GRIN2A: variants seen among roughly 807,000 people sequenced by gnomAD.
GRIN2A encodes glutamate ionotropic receptor NMDA type subunit 2A, also known as glutamate receptor ionotropic, NMDA 2A.
GRIN2A carries 22 observed loss-of-function variants against 113.4 expected under a neutral mutation model. The ratio of observed to expected loss-of-function variants is 0.19; its 90% CI spans 0.14 to 0.28. The LOEUF is 0.28. Among genes scored for constraint, GRIN2A ranks in the 10% least tolerant of loss-of-function variants. The pLI is 1.00. For synonymous variants in GRIN2A, 827 were observed against 738.4 expected, an observed-to-expected ratio of 1.12 and a Z score of -1.94; for missense variants, 1,502 against 1,887.0, an observed-to-expected ratio of 0.80 and a Z score of 3.78.
chr16:9,902,866 G>GT (rs1243059124), intron 3 of GRIN2A, among the ~76,000 whole-genome samples: 1 of 147,286 alleles, frequency 6.8e-6, no homozygotes, highest in African/African-American at 2.5e-5. Flanking sequence ...CCCAGTATTT[G>GT]TTTTTAACAA....
chr16:9,806,350 T>C (rs550187551), intron 10 of GRIN2A, among the ~76,000 whole-genome samples: 4 of 152,346 alleles, frequency 2.6e-5, no homozygotes, highest in African/African-American at 9.6e-5. Context: ...AAGATTTGAG[T>C]CATCTATGGA....
intron 4 of GRIN2A, among the ~76,000 whole-genome samples, chr16:9,884,940 T>C (rs1345546592): frequency 6.6e-6 from 1 of 151,680 alleles, no homozygotes; most frequent in Non-Finnish European, 1.5e-5. Context: ...GGTTTCATCA[T>C]GTTAGCCAGG....
Position 9,755,681 on chromosome 16 carries a change from A to G in GRIN2A, c.*7468T>C. Reference sequence around the variant, plus strand: ...CCATGGAGAGGGGGGAATGCAGGAAAGGCAGTGTGTGCTCAGGGGCATGCC... The same window carrying G: ...CCATGGAGAGGGGGGAATGCAGGAAGGGCAGTGTGTGCTCAGGGGCATGCC... On this transcript the variant is annotated 3_prime_UTR_variant, in exon 13 of 13. Coordinates refer to ENST00000330684, the MANE Select transcript of GRIN2A (RefSeq NM_001134407.3). 1 of 203,188 alleles carries G rather than the reference A, an allele frequency of 4.9e-6. No homozygotes were observed. The highest frequency in any genetic ancestry group is 1.0e-5 in the Non-Finnish European group (1 of 98,616). The allele number at this position is 203,188 out of a possible 1,614,324, so 12.6% of individuals were successfully genotyped here.
chr16:10,094,951 T>C (rs916453285), intron 2 of GRIN2A, among the ~76,000 whole-genome samples: 1 of 151,542 alleles, frequency 6.6e-6, no homozygotes, highest in Non-Finnish European at 1.5e-5. Context: ...AATTCATATA[T>C]TGAAGCCTTA....
At chr16:9,773,643 C>T (rs1472461991) in intron 11 of GRIN2A, among the ~76,000 whole-genome samples, 1 of 152,210 alleles carries the variant, frequency 6.6e-6, no homozygotes, top group Non-Finnish European at 1.5e-5. Context: ...CCATGTAGCA[C>T]TCAAAGCCCT....
At chr16:10,160,065 G>A (rs1404194510) in intron 2 of GRIN2A, among the ~76,000 whole-genome samples, 2 of 152,352 alleles carry the variant, frequency 1.3e-5, no homozygotes, top group East Asian at 3.9e-4. Context: ...CAGGGAACCT[G>A]ATTTCAGACT....
chr16:10,054,715 A>C (rs2047415427), intron 2 of GRIN2A, among the ~76,000 whole-genome samples: 1 of 152,236 alleles, frequency 6.6e-6, no homozygotes, highest in Admixed American at 6.5e-5. Context: ...CTACATTTAT[A>C]AACACAGATA....
intron 9 of GRIN2A, among the ~76,000 whole-genome samples, chr16:9,826,740 C>A (rs554543797): frequency 6.6e-6 from 1 of 152,248 alleles, no homozygotes; most frequent in South Asian, 2.1e-4. Context: ...ATGTTTTCAG[C>A]ATGGAGACTG....
chr16:10,118,399 G>A (rs1002680098), intron 2 of GRIN2A, among the ~76,000 whole-genome samples: 13 of 151,908 alleles, frequency 8.6e-5, no homozygotes, highest in African/African-American at 3.1e-4. Context: ...CGATACTTGC[G>A]ACATCAATGT....
At chr16:9,944,457 C>T (rs1316255388) in intron 2 of GRIN2A, among the ~76,000 whole-genome samples, 2 of 152,122 alleles carry the variant, frequency 1.3e-5, no homozygotes, top group Non-Finnish European at 2.9e-5. Context: ...CCTCCATCAT[C>T]ATCACATCCA....
Position 9,763,921 on chromosome 16 carries a change from C to T in GRIN2A, c.3623G>A (p.Arg1208Gln), listed in dbSNP as rs780055204. 8 of 1,613,898 alleles carry T rather than the reference C, an allele frequency of 5.0e-6. No individual in the cohort carries two copies. The Admixed American group carries it at 6.7e-5, about 13-fold the overall frequency. The change falls in exon 13 of 13, where the codon CGG (arginine) becomes CAG (glutamine). Residue 1208 changes from arginine to glutamine, a missense_variant. Arg to Gln is a conservative substitution (Grantham distance 43, BLOSUM62 1). Transcript: ENST00000330684. ...GCTTCTGCAGTGCGTGGAGTTCTGC[C>T]GGTATCGCTCGCTGGTCTCACTGTG... ...SPHSETSERY[R>Q]QNSTHCRSCL...
At chr16:9,988,241 G>A (rs923378458) in intron 2 of GRIN2A, among the ~76,000 whole-genome samples, 1 of 151,294 alleles carries the variant, frequency 6.6e-6, no homozygotes, top group Non-Finnish European at 1.5e-5. Context: ...TGTCTCTCCT[G>A]AACACTGAAG....
At chr16:10,052,743 T>C (rs1244963322) in intron 2 of GRIN2A, among the ~76,000 whole-genome samples, 3 of 152,148 alleles carry the variant, frequency 2.0e-5, no homozygotes, top group African/African-American at 7.2e-5. Flanking sequence ...TCCTGAGCCC[T>C]ATCCTTAGAA....
intron 11 of GRIN2A, among the ~76,000 whole-genome samples, chr16:9,780,195 C>G (rs540598484): frequency 2.0e-5 from 3 of 152,332 alleles, no homozygotes; most frequent in East Asian, 1.9e-4. Context: ...TTTCAGAACA[C>G]TGGTTCAAAG....
chr16:9,760,815 G>C lies in GRIN2A; in HGVS notation c.*2334C>G, dbSNP rs1900551173. ...AATTCATTCATGTCAAAACATCCCA[G>C]ACTCATGAGGAAATGGAGGCGATCC... On this transcript the variant is annotated 3_prime_UTR_variant, in exon 13 of 13. Transcript: ENST00000330684. 4 of 231,316 alleles carry C rather than the reference G, an allele frequency of 1.7e-5. No homozygotes were observed. In the South Asian group the frequency reaches 7.3e-4, roughly 42 times the overall value. The allele number at this position is 231,316 out of a possible 1,614,324, so 14.3% of individuals were successfully genotyped here.
At chr16:10,012,680 T>G (rs149763283) in intron 2 of GRIN2A, among the ~76,000 whole-genome samples, 1 of 152,258 alleles carries the variant, frequency 6.6e-6, no homozygotes, top group East Asian at 1.9e-4. Flanking sequence ...CATTTGAAAG[T>G]AGAGTCTGAG....
At chr16:10,167,997 T>A (rs184643790) in intron 2 of GRIN2A, among the ~76,000 whole-genome samples, 2 of 152,204 alleles carry the variant, frequency 1.3e-5, no homozygotes, top group Non-Finnish European at 2.9e-5. Flanking sequence ...CTCTTTAGAA[T>A]ACAAACATAT....
chr16:9,941,653 T>A (rs948886436), intron 2 of GRIN2A, among the ~76,000 whole-genome samples: 3 of 152,182 alleles, frequency 2.0e-5, no homozygotes, highest in African/African-American at 7.2e-5. Context: ...CCAATCCTCA[T>A]TATGTGGCCT....
At chr16:9,872,152 G>A (rs998751337) in intron 4 of GRIN2A, among the ~76,000 whole-genome samples, 5 of 152,132 alleles carry the variant, frequency 3.3e-5, no homozygotes, top group African/African-American at 1.2e-4. Context: ...CAAGGGGTGG[G>A]TATTATCATT....
Sources: gnomAD v4.1 joint callset for allele counts (sites outside exome capture counted in the v4.1 genomes callset) on GRCh38, gnomAD v4.1.1 for gene constraint, MANE v1.5 for transcripts, NCBI Gene and HGNC (gene_info 2026-07-23, HGNC 2026-07-21) for gene names.